Variants in NIPBL observed in about 807,000 individuals in gnomAD.
NIPBL encodes nipped-B-like protein.
Under a neutral mutation model 321.8 loss-of-function variants are expected in NIPBL, and 19 were observed. That is an observed-to-expected ratio of 0.06 (90% CI 0.04 to 0.09). The LOEUF (loss-of-function observed/expected upper bound fraction) is 0.09. Among genes scored for constraint, NIPBL ranks in the 10% least tolerant of loss-of-function variants. The probability of loss-of-function intolerance (pLI) is 1.00; values close to 1 mark genes in which losing one functional copy is unlikely to be tolerated. For synonymous variants in NIPBL, 1,106 were observed against 1,114.1 expected (o/e 0.99, Z 0.14); for missense variants, 2,210 against 3,327.0 (o/e 0.66, Z 8.26).
At chr5:37,000,731 A>C in intron 12 of NIPBL, 86 bp from the exon 13 acceptor site, 3 of 1,346,314 alleles carry the variant, frequency 2.2e-6, no homozygotes, top group Non-Finnish European at 3.2e-6. Context: ...TAAGTCTTTA[A>C]CGTTCAGGAA....
chr5:36,891,847 A>G (rs756779135), intron 1 of NIPBL, among the ~76,000 whole-genome samples: 3 of 152,196 alleles, frequency 2.0e-5, no homozygotes, highest in East Asian at 3.8e-4. Flanking sequence ...AAGGAAACCC[A>G]TAACAAATAT....
chr5:37,017,222 CT>C, intron 24 of NIPBL, 60 bp downstream of exon 24: 1 of 1,469,036 alleles, frequency 6.8e-7, no homozygotes, highest in Non-Finnish European at 9.4e-7. Flanking sequence ...TTTGCATGTC[CT>C]TACATTAGTT....
At chr5:36,926,380 G>A (rs1749362787) in intron 1 of NIPBL, among the ~76,000 whole-genome samples, 1 of 152,184 alleles carries the variant, frequency 6.6e-6, no homozygotes, top group Admixed American at 6.5e-5. Flanking sequence ...GCTGGTAGAT[G>A]GGCTGGCCAG....
intron 1 of NIPBL, among the ~76,000 whole-genome samples, chr5:36,933,681 A>G (rs1749951183): frequency 6.6e-6 from 1 of 152,150 alleles, no homozygotes; most frequent in Admixed American, 6.6e-5. Flanking sequence ...AGACACCAGT[A>G]GTGAAAATTA....
intron 1 of NIPBL, among the ~76,000 whole-genome samples, chr5:36,932,032 G>T (rs185139911): frequency 2.6e-5 from 4 of 152,154 alleles, no homozygotes; most frequent in African/African-American, 9.6e-5. Flanking sequence ...TTTCTCTCAT[G>T]ATTTCTTCTT....
chr5:37,049,080 A>G (rs747735013), intron 39 of NIPBL, 31 bp from the exon 40 acceptor site: 17 of 1,607,902 alleles, frequency 1.1e-5, no homozygotes, highest in Non-Finnish European at 1.4e-5. Flanking sequence ...GGTGCTCTTA[A>G]TGTGTGTTTA....
At position 37,065,171 on chromosome 5, in the gene NIPBL, TAAAC is replaced by T. The variant is rs535770794; in HGVS notation, c.*282_*285del. ...AAAAAAACTTTCTGTTTAAAAAAAA[TAAAC>T]AAGTGAATGTTGGAAATTAGTCTGT... On this transcript the variant is annotated 3_prime_UTR_variant, in exon 47 of 47. Transcript: ENST00000282516. 2,295 of 441,144 alleles carry T rather than the reference TAAAC, an allele frequency of 5.2e-3. 11 individuals carry two copies. The highest frequency in any genetic ancestry group is 6.5e-3 in the Non-Finnish European group (1,593 of 244,024). The allele number at this position is 441,144 out of a possible 1,614,324, so 27.3% of individuals were successfully genotyped here.
intron 32 of NIPBL, among the ~76,000 whole-genome samples, chr5:37,028,213 G>A (rs1750534201): frequency 6.6e-6 from 1 of 151,562 alleles, no homozygotes; most frequent in Non-Finnish European, 1.5e-5. Flanking sequence ...ATTTCACACA[G>A]GCAGAAATAT....
chr5:37,023,916 A>G (rs928329851), intron 29 of NIPBL, among the ~76,000 whole-genome samples: 1 of 152,062 alleles, frequency 6.6e-6, no homozygotes, highest in African/African-American at 2.4e-5. Context: ...CTGTAATTGC[A>G]GCACTTTGGG....
At chr5:36,984,065 CTT>C (rs60601612) in intron 9 of NIPBL, among the ~76,000 whole-genome samples, 22,888 of 151,988 alleles carry the variant, frequency 0.15, 2,106 homozygotes, top group East Asian at 0.31. Flanking sequence ...TCCTTTCACA[CTT>C]TTAACACTTC....
intron 1 of NIPBL, among the ~76,000 whole-genome samples, chr5:36,898,621 C>G (rs961755812): frequency 1.3e-5 from 2 of 151,368 alleles, no homozygotes; most frequent in Non-Finnish European, 2.9e-5. Context: ...AAGTGATTCT[C>G]CTGTCTCAGC....
intron 1 of NIPBL, among the ~76,000 whole-genome samples, chr5:36,934,676 C>T (rs999586611): frequency 2.6e-5 from 4 of 152,086 alleles, no homozygotes. Context: ...CACATTGACA[C>T]ATTCATACAT....
In NIPBL at chr5:37,044,728, T is replaced by C; in HGVS notation, c.6342T>C (p.Tyr2114=). The C allele has an allele frequency of 1.2e-6, 2 of 1,605,778 alleles. No individual in the cohort carries two copies. The highest frequency in any genetic ancestry group is 1.7e-6 in the Non-Finnish European group (2 of 1,172,404). ...KFVWACFNRY[Y]GAISKLKSQH... ...TGTGGGCTTGTTTCAATAGATACTA[T>C]GGTAAGTTCAATACCAGGGTTTTAA... is the stretch of plus-strand genomic sequence containing the variant. The change falls in exon 36 of 47, where the codon TAT becomes TAC. Residue 2114 remains tyrosine, a splice_region_variant and synonymous_variant. Coordinates refer to ENST00000282516, the MANE Select transcript of NIPBL (RefSeq NM_133433.4).
chr5:36,877,478 G>A (rs1745177085), intron 1 of NIPBL, among the ~76,000 whole-genome samples: 1 of 152,214 alleles, frequency 6.6e-6, no homozygotes, highest in Admixed American at 6.5e-5. Context: ...CGGGGATTAG[G>A]AGAGCTCCGG....
intron 3 of NIPBL, among the ~76,000 whole-genome samples, chr5:36,957,843 C>T (rs1214945044): frequency 6.6e-6 from 1 of 151,932 alleles, no homozygotes. Context: ...ATTAGCTGGG[C>T]GTGGTGGCAG....
chr5:36,968,116 AAAC>A (rs1742438988), intron 6 of NIPBL, among the ~76,000 whole-genome samples: 2 of 151,356 alleles, frequency 1.3e-5, no homozygotes, highest in African/African-American at 2.4e-5. Flanking sequence ...AAAAAACAAA[AAAC>A]AAAAAACGAA....
intron 1 of NIPBL, among the ~76,000 whole-genome samples, chr5:36,917,888 T>C (rs1024689985): frequency 6.6e-6 from 1 of 152,180 alleles, no homozygotes; most frequent in Admixed American, 6.5e-5. Flanking sequence ...TCTATATCTC[T>C]GTTTTGGTAC....
At chr5:36,942,431 T>C (rs13184906) in intron 1 of NIPBL, among the ~76,000 whole-genome samples, 4 of 66,606 alleles carry the variant, frequency 6.0e-5, no homozygotes, top group African/African-American at 8.0e-5. Context: ...GACTCTGTCT[T>C]TAAAAAAAAA....
chr5:37,045,879 A>T lies in NIPBL; in HGVS notation c.6499-230A>T, dbSNP rs188741423. ...ATCAACAGCTGACTTTTTAAAAAAA[A>T]TTTTTTTCAATGAAGGAAACAATGC... On this transcript the variant is annotated intron_variant, in intron 37 of 46. Transcript: ENST00000282516. Among the ~76,000 whole-genome samples, 240 of 152,236 alleles carry T rather than the reference A, an allele frequency of 1.6e-3. 2 individuals carry two copies. The highest frequency in any genetic ancestry group is 9.1e-3 in the Admixed American group (139 of 15,282).
Sources: gnomAD v4.1 joint callset for allele counts (sites outside exome capture counted in the v4.1 genomes callset) on GRCh38, gnomAD v4.1.1 for gene constraint, MANE v1.5 for transcripts, NCBI Gene and HGNC (gene_info 2026-07-23, HGNC 2026-07-21) for gene names.